Variants in CACNA2D3 observed in about 807,000 individuals in gnomAD.
The protein encoded by CACNA2D3 is calcium voltage-gated channel auxiliary subunit alpha2delta 3.
Under a neutral mutation model 160.6 loss-of-function variants are expected in CACNA2D3, and 60 were observed. The observed-to-expected ratio is 0.37, with a 90% CI of 0.30 to 0.46. The LOEUF is 0.46. Among genes scored for constraint, CACNA2D3 ranks in the 20% least tolerant of loss-of-function variants. CACNA2D3 has a pLI of 1.00. For synonymous variants in CACNA2D3, 558 were observed against 492.9 expected, an observed-to-expected ratio of 1.13 and a Z score of -1.75; for missense variants, 1,205 against 1,365.0, an observed-to-expected ratio of 0.88 and a Z score of 1.85.
intron 11 of CACNA2D3, among the ~76,000 whole-genome samples, chr3:54,740,290 G>A (rs1296592083): frequency 6.6e-6 from 1 of 152,146 alleles, no homozygotes; most frequent in East Asian, 1.9e-4. Context: ...TTTACTGACT[G>A]AAGGTAAGAA....
intron 21 of CACNA2D3, among the ~76,000 whole-genome samples, chr3:54,883,832 C>CTT (rs1699864971): frequency 6.7e-6 from 1 of 149,232 alleles, no homozygotes; most frequent in Non-Finnish European, 1.5e-5. Context: ...TCCTCTCTCT[C>CTT]CCTTCAACCC....
chr3:54,721,519 G>T (rs1701168660), intron 11 of CACNA2D3, among the ~76,000 whole-genome samples: 1 of 152,044 alleles, frequency 6.6e-6, no homozygotes, highest in Admixed American at 6.5e-5. Flanking sequence ...CCAGCACTTT[G>T]GGAAGCCAAG....
intron 35 of CACNA2D3, among the ~76,000 whole-genome samples, chr3:55,044,452 GAACTTTTCTA>G (rs1467186187): frequency 1.3e-5 from 2 of 151,956 alleles, no homozygotes; most frequent in African/African-American, 4.8e-5. Flanking sequence ...TCTCGTTTCT[GAACTTTTCTA>G]AACTAACTTA....
intron 16 of CACNA2D3, among the ~76,000 whole-genome samples, chr3:54,840,357 T>TA (rs1484682722): frequency 6.6e-6 from 1 of 151,492 alleles, no homozygotes; most frequent in East Asian, 1.9e-4. Flanking sequence ...ATGGAAAGCT[T>TA]AAATATCTTG....
intron 29 of CACNA2D3, among the ~76,000 whole-genome samples, chr3:54,977,152 A>G (rs950219904): frequency 6.6e-6 from 1 of 152,130 alleles, no homozygotes; most frequent in Admixed American, 6.5e-5. Flanking sequence ...TTCACTTTAT[A>G]TTTTGATTTT....
chr3:54,829,767 G>C lies in CACNA2D3; in HGVS notation c.1399-7392G>C, dbSNP rs905740304. Among the ~76,000 whole-genome samples, 4 of 151,178 alleles carry C rather than the reference G, an allele frequency of 2.6e-5. No homozygotes were observed. In the East Asian group the frequency reaches 8.0e-4, roughly 30 times the overall value. ...TGGGGAGAGGTGAAAGTGCCAAGGAGTTGGTGTCCCTTTTGTTCAAGCTGC... is the reference window on the plus strand; with the variant it reads ...TGGGGAGAGGTGAAAGTGCCAAGGACTTGGTGTCCCTTTTGTTCAAGCTGC... On this transcript the variant is annotated intron_variant, in intron 14 of 37. Transcript: ENST00000474759.
At chr3:54,165,081 A>G (rs915774360) in intron 2 of CACNA2D3, among the ~76,000 whole-genome samples, 2 of 148,874 alleles carry the variant, frequency 1.3e-5, no homozygotes, top group Non-Finnish European at 3.0e-5. Flanking sequence ...AGCTAAGTAA[A>G]TGTGGGCAGA....
intron 5 of CACNA2D3, among the ~76,000 whole-genome samples, chr3:54,542,209 GTA>G (rs1701992329): frequency 6.6e-6 from 1 of 151,716 alleles, no homozygotes; most frequent in Non-Finnish European, 1.5e-5. Context: ...TTACAGGCAC[GTA>G]CCACCACGCC....
intron 2 of CACNA2D3, among the ~76,000 whole-genome samples, chr3:54,156,717 T>C (rs1043019094): frequency 6.6e-6 from 1 of 152,202 alleles, no homozygotes; most frequent in Non-Finnish European, 1.5e-5. Flanking sequence ...GCTGAAGCGC[T>C]GGACAACCGT....
intron 9 of CACNA2D3, among the ~76,000 whole-genome samples, chr3:54,585,213 A>ATACT (rs1481242782): frequency 1.3e-5 from 2 of 152,218 alleles, no homozygotes; most frequent in Non-Finnish European, 2.9e-5. Context: ...TATGGATGGA[A>ATACT]TACTTAAGAC....
intron 9 of CACNA2D3, among the ~76,000 whole-genome samples, chr3:54,614,119 A>C (rs1698801333): frequency 1.3e-5 from 2 of 152,184 alleles, no homozygotes; most frequent in South Asian, 4.1e-4. Context: ...TGACTCAATG[A>C]ATGCTGCAAG....
At chr3:54,208,390 G>T (rs1701309814) in intron 2 of CACNA2D3, among the ~76,000 whole-genome samples, 1 of 152,190 alleles carries the variant, frequency 6.6e-6, no homozygotes, top group Non-Finnish European at 1.5e-5. Context: ...TTACAGGTGT[G>T]AGCCACCACA....
chr3:54,498,003 A>C (rs1309991704), intron 4 of CACNA2D3, among the ~76,000 whole-genome samples: 1 of 151,088 alleles, frequency 6.6e-6, no homozygotes, highest in Non-Finnish European at 1.5e-5. Flanking sequence ...AATTTTGTTA[A>C]GATTTTTGTA....
At chr3:54,782,188 G>A (rs1476942540) in intron 13 of CACNA2D3, among the ~76,000 whole-genome samples, 1 of 152,082 alleles carries the variant, frequency 6.6e-6, no homozygotes, top group Non-Finnish European at 1.5e-5. Context: ...TTCCTAATGA[G>A]GTCAATTGAC....
chr3:54,575,676 G>A (rs1479030285), intron 8 of CACNA2D3, among the ~76,000 whole-genome samples: 1 of 152,146 alleles, frequency 6.6e-6, no homozygotes, highest in Non-Finnish European at 1.5e-5. Context: ...AGTAGTTGGG[G>A]GGCTGGGTGT....
intron 11 of CACNA2D3, among the ~76,000 whole-genome samples, chr3:54,720,130 T>C (rs1432263899): frequency 6.6e-6 from 1 of 151,952 alleles, no homozygotes; most frequent in African/African-American, 2.4e-5. Flanking sequence ...TGTCATCGAT[T>C]TCTATTCTTA....
chr3:54,711,892 G>A (rs1700960162), intron 11 of CACNA2D3, among the ~76,000 whole-genome samples: 1 of 152,146 alleles, frequency 6.6e-6, no homozygotes, highest in Admixed American at 6.5e-5. Context: ...GATAAAGGTT[G>A]TCTTCCTCCC....
Position 54,785,001 on chromosome 3 carries a change from A to G in CACNA2D3, c.1380+20650A>G, listed in dbSNP as rs568505377. ...GGAAGGGGGCCAGAGAGTGTGCATT[A>G]GGATGGTGAGGTAGTTTACAAACAG... On this transcript the variant is annotated intron_variant, in intron 13 of 37. Transcript: ENST00000474759. 1.3e-4 allele frequency among the ~76,000 whole-genome samples: 20 copies of G among 152,280 alleles called. 1 individual carries two copies. The East Asian group carries it at 2.1e-3, about 16-fold the overall frequency.
chr3:54,252,284 A>G (rs1417172295), intron 2 of CACNA2D3, among the ~76,000 whole-genome samples: 2 of 152,030 alleles, frequency 1.3e-5, no homozygotes, highest in Admixed American at 1.3e-4. Context: ...TATACCAGAA[A>G]TTATTTATAA....
Sources: gnomAD v4.1 joint callset for allele counts (sites outside exome capture counted in the v4.1 genomes callset) on GRCh38, gnomAD v4.1.1 for gene constraint, MANE v1.5 for transcripts, NCBI Gene and HGNC (gene_info 2026-07-23, HGNC 2026-07-21) for gene names.